Variants in HKDC1 observed in about 807,000 individuals in gnomAD.
HKDC1 encodes hexokinase domain containing 1, also known as hexokinase HKDC1.
In HKDC1, 66 loss-of-function variants were observed where a neutral mutation model predicts 96.6. The observed-to-expected ratio is 0.68, with a 90% CI of 0.56 to 0.84. The LOEUF (loss-of-function observed/expected upper bound fraction) is 0.84. HKDC1 is among the 40% of genes least tolerant of loss of function. The pLI, the probability that HKDC1 is intolerant of heterozygous loss-of-function variation, is 0.00. For synonymous variants in HKDC1, 466 were observed against 473.1 expected, an observed-to-expected ratio of 0.98 and a Z score of 0.20; for missense variants, 1,211 against 1,208.1, an observed-to-expected ratio of 1.00 and a Z score of -0.04.
rs796151914 is a variant in HKDC1 at position 69,257,688 on chromosome 10, G to GC, written c.2032+262_2032+263insC. On this transcript the variant is annotated intron_variant, in intron 14 of 17. Coordinates refer to ENST00000354624, the MANE Select transcript of HKDC1 (RefSeq NM_025130.4). ...AGGACCTTGGGGCCAATTGTCATGGGGGGGGGAAGGAGACTACAGTTGGAT... is the reference window on the plus strand; with the variant it reads ...AGGACCTTGGGGCCAATTGTCATGGGCGGGGGGAAGGAGACTACAGTTGGAT... 1.7e-4 allele frequency among the ~76,000 whole-genome samples: 26 copies of GC among 149,640 alleles called. 1 individual carries two copies. The highest frequency in any genetic ancestry group is 4.8e-4 in the African/African-American group (19 of 39,318).
intron 16 of HKDC1, among the ~76,000 whole-genome samples, chr10:69,263,450 T>C (rs995823142): frequency 6.6e-6 from 1 of 152,136 alleles, no homozygotes; most frequent in East Asian, 1.9e-4. Context: ...CATATCCACC[T>C]AGTGCCAGTG....
At chr10:69,228,097 A>G (rs1436493964) in intron 2 of HKDC1, among the ~76,000 whole-genome samples, 1 of 152,158 alleles carries the variant, frequency 6.6e-6, no homozygotes, top group Non-Finnish European at 1.5e-5. Flanking sequence ...AGTGGGTCTC[A>G]CTGGGCCAAA....
chr10:69,265,448 T>C (rs1589418555), intron 16 of HKDC1, 137 bp from the exon 17 acceptor site: 1 of 727,018 alleles, frequency 1.4e-6, no homozygotes, highest in Non-Finnish European at 2.3e-6. Context: ...GGCATTCTGC[T>C]CCAGCCTAGC....
chr10:69,257,375 A>G lies in HKDC1; in HGVS notation c.1981A>G (p.Met661Val), dbSNP rs1156693801. ...VAVVNDTVGT[M>V]MTCGYEDPNC... ...AGTCGTGAATGATACAGTGGGGACC[A>G]TGATGACCTGTGGCTATGAAGATCC... is the stretch of plus-strand genomic sequence containing the variant. The change falls in exon 14 of 18, where the codon ATG (methionine) becomes GTG (valine). Residue 661 changes from methionine to valine, a missense_variant. By Grantham distance (21) the Met-to-Val change is conservative (BLOSUM62 1). Transcript: ENST00000354624. 1.9e-6 allele frequency: 3 copies of G among 1,614,058 alleles called. No individual in the cohort carries two copies. The highest frequency in any genetic ancestry group is 1.1e-5 in the South Asian group (1 of 91,090).
chr10:69,237,054 GCT>G (rs1491157514), intron 4 of HKDC1, among the ~76,000 whole-genome samples: 1 of 152,138 alleles, frequency 6.6e-6, no homozygotes, highest in African/African-American at 2.4e-5. Flanking sequence ...GCTCTGTTCA[GCT>G]CCATGACTGC....
At chr10:69,226,599 G>A (rs1245889906) in intron 1 of HKDC1, among the ~76,000 whole-genome samples, 1 of 151,896 alleles carries the variant, frequency 6.6e-6, no homozygotes, top group Non-Finnish European at 1.5e-5. Flanking sequence ...AGGCTGCAGT[G>A]AGCCGAGATC....
Position 69,266,755 on chromosome 10 carries a change from T to TAGGA in HKDC1, c.2754_*3dup, listed in dbSNP as rs762549203. On this transcript the variant is annotated frameshift_variant and stop_retained_variant, in exon 18 of 18. Coordinates refer to ENST00000354624, the MANE Select transcript of HKDC1 (RefSeq NM_025130.4). LOFTEE classifies it high-confidence loss of function. ...GTTACAGCAGGCACAGAAGGAGAAC[T>TAGGA]AGGAACCCCTGGGATTGGACCTGAT... 6.2e-7 allele frequency: 1 copy of TAGGA among 1,610,856 alleles called. No individual in the cohort carries two copies. Among genetic ancestry groups the TAGGA allele is most frequent in the Non-Finnish European group, 8.5e-7 (1 of 1,179,056 alleles).
rs80136223 is a variant in HKDC1 at position 69,264,609 on chromosome 10, C to T, written c.2373-976C>T. Among the ~76,000 whole-genome samples, 55 of 152,282 alleles carry T rather than the reference C, an allele frequency of 3.6e-4. No individual in the cohort carries two copies. The East Asian group carries it at 8.1e-3, about 22-fold the overall frequency. On this transcript the variant is annotated intron_variant, in intron 16 of 17. Transcript: ENST00000354624. ...CTCAAATTCCTGGCCTAAAGTGATT[C>T]TCCTGCCTCAGCCTCTTAAAGTGCT...
At chr10:69,225,233 A>G (rs1222210297) in intron 1 of HKDC1, among the ~76,000 whole-genome samples, 1 of 152,200 alleles carries the variant, frequency 6.6e-6, no homozygotes, top group Non-Finnish European at 1.5e-5. Flanking sequence ...TCTCAGGCTA[A>G]GCAAAAATGA....
At chr10:69,265,866 G>A (rs368420984) in intron 17 of HKDC1, 48 bp downstream of exon 17, 53 of 1,366,642 alleles carry the variant, frequency 3.9e-5, no homozygotes, top group South Asian at 2.5e-4. Flanking sequence ...GAGGGCTGGC[G>A]GCCAAGTGTG....
chr10:69,225,419 G>A (rs1044456407), intron 1 of HKDC1, among the ~76,000 whole-genome samples: 1 of 152,126 alleles, frequency 6.6e-6, no homozygotes, highest in Non-Finnish European at 1.5e-5. Flanking sequence ...AACAGCCTTG[G>A]GGGAACAGGA....
chr10:69,237,006 T>A (rs1843372517), intron 4 of HKDC1, among the ~76,000 whole-genome samples: 1 of 152,008 alleles, frequency 6.6e-6, no homozygotes, highest in Non-Finnish European at 1.5e-5. Flanking sequence ...CAGGAGTGGG[T>A]TCGGTAACAC....
chr10:69,226,772 T>C (rs1843163143), intron 1 of HKDC1, among the ~76,000 whole-genome samples: 1 of 152,232 alleles, frequency 6.6e-6, no homozygotes, highest in South Asian at 2.1e-4. Context: ...TAGCTATATC[T>C]GTGGTCATCA....
chr10:69,242,430 A>G (rs576674986), intron 6 of HKDC1, among the ~76,000 whole-genome samples: 1 of 8,316 alleles, frequency 1.2e-4, no homozygotes, highest in African/African-American at 4.1e-4. Context: ...GATACTGAAG[A>G]AAAAAAAAAA....
At chr10:69,255,581 A>G (rs1843706663) in intron 12 of HKDC1, among the ~76,000 whole-genome samples, 1 of 152,160 alleles carries the variant, frequency 6.6e-6, no homozygotes. Context: ...CTCCTGCCTC[A>G]GGCTAACAAT....
chr10:69,262,406 G>A (rs1044873444), intron 16 of HKDC1, among the ~76,000 whole-genome samples: 4 of 151,916 alleles, frequency 2.6e-5, no homozygotes, highest in East Asian at 3.9e-4. Flanking sequence ...TTCACCATGG[G>A]CGCAGTGTTT....
chr10:69,258,471 G>A (rs550101252), intron 14 of HKDC1, among the ~76,000 whole-genome samples: 2 of 152,044 alleles, frequency 1.3e-5, no homozygotes, highest in East Asian at 3.9e-4. Flanking sequence ...CAAAGATAAT[G>A]ATGATGATGA....
At chr10:69,221,032 C>T (rs929181707) in intron 1 of HKDC1, among the ~76,000 whole-genome samples, 4 of 152,080 alleles carry the variant, frequency 2.6e-5, no homozygotes, top group Non-Finnish European at 2.9e-5. Flanking sequence ...CACCTGTAAT[C>T]CCATCTACTC....
chr10:69,264,239 GTGTCTT>G (rs1157507817), intron 16 of HKDC1, among the ~76,000 whole-genome samples: 1 of 139,268 alleles, frequency 7.2e-6, no homozygotes, highest in African/African-American at 2.7e-5. Context: ...GTGTGTGTGT[GTGTCTT>G]TTTTTAATCT....
Sources: gnomAD v4.1 joint callset for allele counts (sites outside exome capture counted in the v4.1 genomes callset) on GRCh38, gnomAD v4.1.1 for gene constraint, MANE v1.5 for transcripts, NCBI Gene and HGNC (gene_info 2026-07-23, HGNC 2026-07-21) for gene names.